MAGI2: variants seen among roughly 807,000 people sequenced by gnomAD.
MAGI2 encodes the protein membrane-associated guanylate kinase, WW and PDZ domain-containing protein 2.
A neutral mutation model predicts 133.3 loss-of-function variants in MAGI2; 35 were observed. The ratio of observed to expected loss-of-function variants is 0.26; its 90% CI spans 0.20 to 0.35. The LOEUF is 0.35. MAGI2 is among the 10% of genes least tolerant of loss of function. MAGI2 has a pLI of 1.00. For missense variants in MAGI2, 1,636 were observed against 1,863.4 expected, an observed-to-expected ratio of 0.88 and a Z score of 2.25; for synonymous variants, 729 against 710.6, an observed-to-expected ratio of 1.03 and a Z score of -0.41.
At chr7:79,375,597 G>C (rs1843330417) in intron 1 of MAGI2, among the ~76,000 whole-genome samples, 1 of 131,274 alleles carries the variant, frequency 7.6e-6, no homozygotes, top group Admixed American at 7.6e-5. Context: ...AGCCCATTTG[G>C]TCTTCAGGAA....
chr7:78,388,067 A>G (rs1189189804), intron 6 of MAGI2, among the ~76,000 whole-genome samples: 2 of 152,260 alleles, frequency 1.3e-5, no homozygotes, highest in Non-Finnish European at 1.5e-5. Context: ...TTAGGTATTT[A>G]GGTAAGTATA....
chr7:78,564,385 T>C (rs1800721658), intron 3 of MAGI2, among the ~76,000 whole-genome samples: 1 of 152,234 alleles, frequency 6.6e-6, no homozygotes, highest in Admixed American at 6.5e-5. Context: ...TCATAACCAC[T>C]AAATACTTGT....
At chr7:78,615,159 A>G (rs1188974297) in intron 3 of MAGI2, 2 of 152,086 alleles carry the variant, frequency 1.3e-5, no homozygotes, top group Non-Finnish European at 2.9e-5. Flanking sequence ...ATACACCATT[A>G]TACACATTTT....
intron 6 of MAGI2, among the ~76,000 whole-genome samples, chr7:78,445,493 T>A (rs1225495956): frequency 1.3e-5 from 2 of 152,088 alleles, no homozygotes; most frequent in East Asian, 3.9e-4. Context: ...AATCTTCATA[T>A]ACCCTTGCAA....
intron 6 of MAGI2, among the ~76,000 whole-genome samples, chr7:78,473,662 C>G (rs2150432460): frequency 7.3e-6 from 1 of 136,650 alleles, no homozygotes; most frequent in East Asian, 2.3e-4. Flanking sequence ...TCATCATGCC[C>G]AATGATGTAT....
chr7:78,415,741 G>A (rs1798241535), intron 6 of MAGI2, among the ~76,000 whole-genome samples: 1 of 152,118 alleles, frequency 6.6e-6, no homozygotes, highest in African/African-American at 2.4e-5. Context: ...AGTAGATGGG[G>A]TTGGAGCCTA....
At chr7:79,255,546 G>A (rs1209915109) in intron 1 of MAGI2, among the ~76,000 whole-genome samples, 2 of 152,108 alleles carry the variant, frequency 1.3e-5, no homozygotes, top group Non-Finnish European at 1.5e-5. Flanking sequence ...AAGAAACTTC[G>A]CAATTCGCAC....
At chr7:78,799,406 A>G (rs1787877964) in intron 2 of MAGI2, among the ~76,000 whole-genome samples, 1 of 152,176 alleles carries the variant, frequency 6.6e-6, no homozygotes, top group South Asian at 2.1e-4. Context: ...AAAATGATTT[A>G]CTGAAAATAA....
intron 10 of MAGI2, among the ~76,000 whole-genome samples, chr7:78,217,313 A>G (rs73702834): frequency 1.0e-3 from 158 of 152,226 alleles, no homozygotes; most frequent in African/African-American, 3.5e-3. Flanking sequence ...TCTCTCCCCT[A>G]TGGGTTTAAT....
intron 2 of MAGI2, among the ~76,000 whole-genome samples, chr7:78,927,611 T>C (rs932550450): frequency 1.1e-4 from 17 of 151,912 alleles, no homozygotes; most frequent in African/African-American, 3.9e-4. Flanking sequence ...ACCTTCACAC[T>C]AAGTAAATCT....
intron 1 of MAGI2, among the ~76,000 whole-genome samples, chr7:79,224,892 T>C (rs1281292065): frequency 1.3e-5 from 2 of 152,186 alleles, no homozygotes; most frequent in Admixed American, 1.3e-4. Flanking sequence ...GTGGTGATAG[T>C]TACATGACTA....
chr7:79,371,889 C>T (rs887954991), intron 1 of MAGI2, among the ~76,000 whole-genome samples: 3 of 152,124 alleles, frequency 2.0e-5, no homozygotes, highest in Admixed American at 6.6e-5. Flanking sequence ...CAAGAATCCA[C>T]TTTGTTACAA....
chr7:78,400,891 A>G (rs890364500), intron 6 of MAGI2, among the ~76,000 whole-genome samples: 3 of 152,150 alleles, frequency 2.0e-5, no homozygotes. Flanking sequence ...GCTGCTTAAT[A>G]TGATGTCAGT....
At chr7:79,417,564 C>T (rs1181086116) in intron 1 of MAGI2, among the ~76,000 whole-genome samples, 6 of 152,066 alleles carry the variant, frequency 3.9e-5, no homozygotes, top group Admixed American at 6.6e-5. Flanking sequence ...TCTATGTAGG[C>T]GTTATCTATG....
chr7:78,300,542 T>A (rs773559540), intron 9 of MAGI2, among the ~76,000 whole-genome samples: 1 of 152,146 alleles, frequency 6.6e-6, no homozygotes, highest in Non-Finnish European at 1.5e-5. Flanking sequence ...ACGGTGGCAA[T>A]AGGTAATTAA....
chr7:78,210,616 C>T (rs1295282950), intron 10 of MAGI2, among the ~76,000 whole-genome samples: 6 of 152,030 alleles, frequency 3.9e-5, no homozygotes, highest in Admixed American at 2.6e-4. Context: ...TGTTTAAGTT[C>T]TATAGTAATT....
At chr7:79,315,485 T>C (rs1838650508) in intron 1 of MAGI2, among the ~76,000 whole-genome samples, 1 of 152,050 alleles carries the variant, frequency 6.6e-6, no homozygotes, top group Admixed American at 6.6e-5. Flanking sequence ...TAATTCGTTT[T>C]TTTTAAAGTA....
chr7:79,420,687 T>C (rs552263213), intron 1 of MAGI2, among the ~76,000 whole-genome samples: 49 of 151,990 alleles, frequency 3.2e-4, no homozygotes, highest in Admixed American at 2.0e-4. Context: ...TTATTTTGCA[T>C]CTACGCCACC....
At chr7:79,336,697 A>C (rs547840857) in intron 1 of MAGI2, among the ~76,000 whole-genome samples, 7 of 152,218 alleles carry the variant, frequency 4.6e-5, no homozygotes, top group Non-Finnish European at 1.0e-4. Context: ...AAGTGAGATT[A>C]TATACTATTT....
Sources: gnomAD v4.1 joint callset for allele counts (sites outside exome capture counted in the v4.1 genomes callset) on GRCh38, gnomAD v4.1.1 for gene constraint, MANE v1.5 for transcripts, NCBI Gene and HGNC (gene_info 2026-07-23, HGNC 2026-07-21) for gene names.